SUGP1: variants seen among roughly 807,000 people sequenced by gnomAD.
SUGP1 encodes SURP and G-patch domain-containing protein 1.
SUGP1 carries 34 observed loss-of-function variants against 76.5 expected under a neutral mutation model. That is an observed-to-expected ratio of 0.44 (90% CI 0.34 to 0.59). The LOEUF (loss-of-function observed/expected upper bound fraction) is 0.59. SUGP1 is among the 20% of genes least tolerant of loss of function. SUGP1 has a pLI of 0.01. For missense variants in SUGP1, 752 were observed against 851.7 expected (o/e 0.88, Z 1.46); for synonymous variants, 326 against 326.2 (o/e 1.00, Z 0.01).
intron 10 of SUGP1, 75 bp downstream of exon 10, chr19:19,279,138 A>G: frequency 2.1e-6 from 3 of 1,443,630 alleles, no homozygotes; most frequent in Non-Finnish European, 2.8e-6. Context: ...CGTGTGGCGC[A>G]TCCAGGTAAC....
At chr19:19,309,011 C>T (rs1044273216) in intron 3 of SUGP1, among the ~76,000 whole-genome samples, 3 of 152,128 alleles carry the variant, frequency 2.0e-5, no homozygotes, top group Admixed American at 2.0e-4. Flanking sequence ...GGATTACAGG[C>T]GCCTGCCACC....
Position 19,310,193 on chromosome 19 carries a change from T to C in SUGP1, c.214A>G (p.Asn72Asp), listed in dbSNP as rs139031618. The change falls in exon 3 of 14, where the codon AAT becomes GAT. Residue 72 changes from asparagine (N) to aspartate (D), a missense_variant. Physicochemically the swap from Asn to Asp is conservative, Grantham distance 23. Transcript: ENST00000247001. ...GAAATGCAGGAAGAGTTGTGTGCAT[T>C]TGTGATTCTAGAACCAAGACAGAGG... is the stretch of plus-strand genomic sequence containing the variant. ...PQPPHPGEIT[N>D]AHNSSCISNK... is the part of the protein sequence containing the mutation. 55 of 1,613,082 alleles carry C rather than the reference T, an allele frequency of 3.4e-5. No homozygotes were observed. Among genetic ancestry groups the C allele is most frequent in the Non-Finnish European group, 4.7e-5 (55 of 1,179,280 alleles).
intron 2 of SUGP1, among the ~76,000 whole-genome samples, chr19:19,314,062 A>G (rs2061373007): frequency 6.6e-6 from 1 of 152,072 alleles, no homozygotes; most frequent in East Asian, 1.9e-4. Flanking sequence ...ACTTGAGCCC[A>G]AGAGGCGGAG....
chr19:19,287,577 A>T (rs2061151123), intron 8 of SUGP1, among the ~76,000 whole-genome samples: 2 of 152,096 alleles, frequency 1.3e-5, no homozygotes, highest in South Asian at 2.1e-4. Context: ...ATAATTAATT[A>T]ATTAAAAATA....
At chr19:19,306,632 C>A (rs143059890) in intron 3 of SUGP1, among the ~76,000 whole-genome samples, 13 of 152,332 alleles carry the variant, frequency 8.5e-5, no homozygotes, top group Non-Finnish European at 1.9e-4. Context: ...GGGCTCTGGT[C>A]GGTAAACCCC....
chr19:19,318,622 T>G (rs561236050), intron 1 of SUGP1, among the ~76,000 whole-genome samples: 1 of 152,104 alleles, frequency 6.6e-6, no homozygotes, highest in East Asian at 1.9e-4. Context: ...TAGAGACAGG[T>G]TCTTGCTATG....
chr19:19,314,810 G>A (rs1384217296), intron 2 of SUGP1, among the ~76,000 whole-genome samples: 2 of 151,918 alleles, frequency 1.3e-5, no homozygotes, highest in African/African-American at 2.4e-5. Flanking sequence ...TGAGAGGGGC[G>A]GATCACCTGA....
chr19:19,283,832 G>A (rs376938402), intron 8 of SUGP1, among the ~76,000 whole-genome samples: 4 of 152,154 alleles, frequency 2.6e-5, no homozygotes, highest in Non-Finnish European at 5.9e-5. Flanking sequence ...TGATCTGCCC[G>A]CCTTGGCCTC....
intron 3 of SUGP1, among the ~76,000 whole-genome samples, chr19:19,307,004 C>T (rs78539747): frequency 6.6e-6 from 1 of 152,010 alleles, no homozygotes. Context: ...AGGACTAGGG[C>T]CCCCGGATCA....
chr19:19,308,451 G>A (rs1215146649), intron 3 of SUGP1, among the ~76,000 whole-genome samples: 3 of 152,252 alleles, frequency 2.0e-5, no homozygotes, highest in African/African-American at 7.2e-5. Flanking sequence ...CACAGACGTG[G>A]TCTGCTTGCA....
At chr19:19,280,058 T>C (rs1485905673) in intron 9 of SUGP1, 127 bp downstream of exon 9, 23 of 909,642 alleles carry the variant, frequency 2.5e-5, no homozygotes, top group Non-Finnish European at 3.8e-5. Flanking sequence ...CCGCTGGCCA[T>C]GGGTTCCACC....
In SUGP1 at chr19:19,276,688, A is replaced by G; in HGVS notation, c.1912-14T>C. ...TCTGGGATTGTTCTGTGGAAGGCAA[A>G]ACAGATAACAGGAGGAGGGGATTAG... On this transcript the variant is annotated splice_polypyrimidine_tract_variant and intron_variant, in intron 13 of 13. Transcript: ENST00000247001. 1.2e-6 allele frequency: 2 copies of G among 1,614,134 alleles called. No individual in the cohort carries two copies. Among genetic ancestry groups the G allele is most frequent in the East Asian group, 4.5e-5 (2 of 44,888 alleles).
At chr19:19,279,147 A>AC (rs2061076789) in intron 10 of SUGP1, 66 bp downstream of exon 10, 1 of 1,466,318 alleles carries the variant, frequency 6.8e-7, no homozygotes. Flanking sequence ...CATCCAGGTA[A>AC]CCTTCCAGGG....
intron 2 of SUGP1, among the ~76,000 whole-genome samples, chr19:19,315,968 A>C (rs1287910020): frequency 1.3e-5 from 2 of 151,884 alleles, no homozygotes; most frequent in African/African-American, 4.8e-5. Context: ...AGCAGCTGGG[A>C]CTACAGGCAC....
At chr19:19,292,426 G>C (rs536517466) in intron 8 of SUGP1, among the ~76,000 whole-genome samples, 1 of 152,214 alleles carries the variant, frequency 6.6e-6, no homozygotes, top group South Asian at 2.1e-4. Flanking sequence ...AATAGGCCAG[G>C]TGTGGTGGCT....
At chr19:19,296,904 C>G in intron 8 of SUGP1, 85 bp downstream of exon 8, 1 of 1,157,630 alleles carries the variant, frequency 8.6e-7, no homozygotes. Context: ...ATACAAGCTA[C>G]ACTGTGGATG....
At chr19:19,320,190 C>T (rs2061431603) in intron 1 of SUGP1, among the ~76,000 whole-genome samples, 1 of 152,200 alleles carries the variant, frequency 6.6e-6, no homozygotes, top group Admixed American at 6.5e-5. Flanking sequence ...TGGAGCAGCC[C>T]TGAAGGCGGT....
intron 6 of SUGP1, among the ~76,000 whole-genome samples, chr19:19,302,611 G>T (rs1011186886): frequency 6.6e-6 from 1 of 151,978 alleles, no homozygotes; most frequent in East Asian, 1.9e-4. Context: ...GAGGTCAAGA[G>T]GGCCTGGGAC....
intron 5 of SUGP1, 57 bp downstream of exon 5, chr19:19,303,667 C>T (rs2146616606): frequency 2.5e-6 from 4 of 1,595,924 alleles, no homozygotes; most frequent in East Asian, 2.2e-5. Flanking sequence ...CCCACACGTG[C>T]GACTGTGCAG....
Sources: gnomAD v4.1 joint callset for allele counts (sites outside exome capture counted in the v4.1 genomes callset) on GRCh38, gnomAD v4.1.1 for gene constraint, MANE v1.5 for transcripts, NCBI Gene and HGNC (gene_info 2026-07-23, HGNC 2026-07-21) for gene names.